Variants in ADCK1 observed in about 807,000 individuals in gnomAD.
ADCK1 encodes the protein aarF domain-containing protein kinase 1.
ADCK1 carries 41 observed loss-of-function variants against 52.3 expected under a neutral mutation model. That is an observed-to-expected ratio of 0.78 (90% CI 0.61 to 1.02). The LOEUF (loss-of-function observed/expected upper bound fraction) is 1.02, where lower values mean the gene tolerates loss of function less well. ADCK1 is among the 50% of genes least tolerant of loss of function. The pLI is 0.00. For synonymous variants in ADCK1, 250 were observed against 274.6 expected (o/e 0.91, Z 0.89); for missense variants, 658 against 679.5 (o/e 0.97, Z 0.35).
chr14:77,918,729 C>A (rs982234778), intron 7 of ADCK1, among the ~76,000 whole-genome samples: 2 of 152,156 alleles, frequency 1.3e-5, no homozygotes, highest in African/African-American at 4.8e-5. Flanking sequence ...CATTCTTGGG[C>A]ATTGTTCAAC....
intron 10 of ADCK1, 86 bp downstream of exon 10, chr14:77,931,797 A>G: frequency 7.1e-7 from 1 of 1,404,662 alleles, no homozygotes. Flanking sequence ...TTTCCCCACC[A>G]GTCTACAGGG....
At chr14:77,883,112 A>G (rs1486612241) in intron 4 of ADCK1, among the ~76,000 whole-genome samples, 1 of 152,030 alleles carries the variant, frequency 6.6e-6, no homozygotes, top group Non-Finnish European at 1.5e-5. Flanking sequence ...ACATCGATAT[A>G]TTTGAATCAC....
At chr14:77,911,863 A>T (rs947973747) in intron 7 of ADCK1, among the ~76,000 whole-genome samples, 2 of 152,096 alleles carry the variant, frequency 1.3e-5, no homozygotes, top group African/African-American at 4.8e-5. Context: ...AGAGACTCAG[A>T]GAGGGAAGAT....
rs1259398533 is a variant in ADCK1 at position 77,855,716 on chromosome 14, A to G, written c.220-3360A>G. Among the ~76,000 whole-genome samples, 3 of 152,286 alleles carry G rather than the reference A, an allele frequency of 2.0e-5. No homozygotes were observed. The South Asian group carries it at 6.2e-4, about 32-fold the overall frequency. On this transcript the variant is annotated intron_variant, in intron 3 of 10. Coordinates refer to ENST00000238561, the MANE Select transcript of ADCK1 (RefSeq NM_020421.4). ...CTGATGGACAGTACACATGTGTGCC[A>G]TGGGACCCTGCCAAATTAGGAAAGA...
chr14:77,907,918 A>T lies in ADCK1; in HGVS notation c.857A>T (p.Glu286Val). Reference protein sequence around the residue: ...YMERNKIDVNEISRHLGKMYS... With the variant: ...YMERNKIDVNVISRHLGKMYS... Reference sequence around the variant, plus strand: ...GAGAGGAACAAGATCGACGTCAATGAGGTGAGGTCAAGAGCTCAGGGCTGC... The same window carrying T: ...GAGAGGAACAAGATCGACGTCAATGTGGTGAGGTCAAGAGCTCAGGGCTGC... Residue 286 changes from glutamate (E) to valine (V), a missense_variant and splice_region_variant, in exon 7 of 11, where the codon GAG (glutamate) becomes GTG (valine). Glu to Val is a moderately radical substitution (Grantham distance 121). Coordinates refer to ENST00000238561, the MANE Select transcript of ADCK1 (RefSeq NM_020421.4). 2 of 1,613,142 alleles carry T rather than the reference A, an allele frequency of 1.2e-6. No homozygotes were observed. The highest frequency in any genetic ancestry group is 1.7e-6 in the Non-Finnish European group (2 of 1,179,296).
chr14:77,934,425 CTT>C lies in ADCK1; in HGVS notation c.*1036_*1037del, dbSNP rs979307339. The C allele has an allele frequency of 1.3e-4, 20 of 152,254 alleles. No homozygotes were observed. Among genetic ancestry groups the C allele is most frequent in the African/African-American group, 4.8e-4 (20 of 41,536 alleles). 9.4% of individuals were successfully genotyped at this position (152,254 alleles called of 1,614,324 possible). A position where few individuals can be genotyped will look rare whatever the true frequency, so the allele number is the denominator to read the frequency against. On this transcript the variant is annotated 3_prime_UTR_variant, in exon 11 of 11. Coordinates refer to ENST00000238561, the MANE Select transcript of ADCK1 (RefSeq NM_020421.4). The stretch of plus-strand genomic sequence containing the variant: ...TGTTCTACTGTTTCCTGACTTATCC[CTT>C]TGGTTCTCATTCAGTGGCCCCAGTT...
chr14:77,837,521 G>A (rs2081986187), intron 3 of ADCK1, among the ~76,000 whole-genome samples: 1 of 152,216 alleles, frequency 6.6e-6, no homozygotes, highest in Admixed American at 6.5e-5. Flanking sequence ...GGTAGAACAT[G>A]GACATATTGT....
rs1166972642 is a variant in ADCK1, at chr14:77,815,508, C to A, written c.-11-3460C>A. On this transcript the variant is annotated intron_variant, in intron 1 of 10. Transcript: ENST00000238561. ...TATAGGCATGAGTCACTGCCCCCAG[C>A]CAGGCACCTGCATTTTTTTTTTTTT... Among the ~76,000 whole-genome samples the A allele has an allele frequency of 1.9e-4, 29 of 151,026 alleles. No individual in the cohort carries two copies. The East Asian group carries it at 5.3e-3, about 27-fold the overall frequency.
intron 3 of ADCK1, among the ~76,000 whole-genome samples, chr14:77,823,580 ATTTAT>A: frequency 6.7e-6 from 1 of 150,136 alleles, no homozygotes; most frequent in Non-Finnish European, 1.5e-5. Flanking sequence ...TTATTTATTT[ATTTAT>A]TTATTTATTT....
intron 3 of ADCK1, among the ~76,000 whole-genome samples, chr14:77,847,945 C>T (rs2082205193): frequency 1.3e-5 from 2 of 152,160 alleles, no homozygotes; most frequent in Admixed American, 6.5e-5. Flanking sequence ...TGGCCTAACC[C>T]TGAGACTTAG....
chr14:77,919,642 T>C (rs2084003733), intron 7 of ADCK1, among the ~76,000 whole-genome samples: 1 of 152,238 alleles, frequency 6.6e-6, no homozygotes, highest in African/African-American at 2.4e-5. Flanking sequence ...TACCTTTAGT[T>C]CTTTAAGGAA....
At chr14:77,895,861 A>G (rs987916919) in intron 5 of ADCK1, among the ~76,000 whole-genome samples, 1 of 152,254 alleles carries the variant, frequency 6.6e-6, no homozygotes, top group East Asian at 1.9e-4. Flanking sequence ...CGTAGCGGGT[A>G]TCAAGTTTTA....
chr14:77,832,834 G>T (rs1388443797), intron 3 of ADCK1, among the ~76,000 whole-genome samples: 1 of 152,168 alleles, frequency 6.6e-6, no homozygotes, highest in Admixed American at 6.5e-5. Context: ...GATCCTGTTT[G>T]TCTGCAAAGG....
intron 7 of ADCK1, 88 bp downstream of exon 7, chr14:77,908,007 C>G (rs558474382): frequency 3.7e-6 from 4 of 1,074,350 alleles, no homozygotes; most frequent in Non-Finnish European, 5.6e-6. Context: ...CAGGTGAGGC[C>G]TCAGAGTCTG....
intron 6 of ADCK1, 60 bp from the exon 7 acceptor site, chr14:77,907,743 G>A: frequency 7.5e-7 from 1 of 1,340,552 alleles, no homozygotes; most frequent in African/African-American, 1.4e-5. Context: ...GTGCCACATT[G>A]TCATCCTTGC....
intron 1 of ADCK1, among the ~76,000 whole-genome samples, chr14:77,808,973 G>C (rs1180729250): frequency 2.0e-5 from 3 of 152,168 alleles, no homozygotes; most frequent in African/African-American, 4.8e-5. Flanking sequence ...CATAAAAGCA[G>C]TATATAATTA....
intron 6 of ADCK1, 133 bp from the exon 7 acceptor site, chr14:77,907,670 A>G (rs1440990904): frequency 1.6e-6 from 1 of 619,020 alleles, no homozygotes; most frequent in African/African-American, 1.9e-5. Context: ...GTCACCGCTG[A>G]GGTCCCTCCT....
chr14:77,812,292 C>T (rs919535315), intron 1 of ADCK1, among the ~76,000 whole-genome samples: 4 of 152,166 alleles, frequency 2.6e-5, no homozygotes, highest in African/African-American at 9.7e-5. Flanking sequence ...TAATTTCCCT[C>T]CAACCCCCAG....
rs1367650647 is a variant in ADCK1, at chr14:77,820,325, AT to A, written c.135+1219del. On this transcript the variant is annotated intron_variant, in intron 2 of 10. Coordinates refer to ENST00000238561, the MANE Select transcript of ADCK1 (RefSeq NM_020421.4). ...TTATGATATATATATATATATGTATATTTTTTTAAATCTTTATTTTTTTGAG... is the reference window on the plus strand; with the variant it reads ...TTATGATATATATATATATATGTATATTTTTTAAATCTTTATTTTTTTGAG... Among the ~76,000 whole-genome samples the A allele has an allele frequency of 2.2e-4, 33 of 151,198 alleles. No individual in the cohort carries two copies. The East Asian group carries it at 6.2e-3, about 29-fold the overall frequency.
Sources: allele counts gnomAD v4.1 joint callset (sites outside exome capture counted in the v4.1 genomes callset), GRCh38; gene constraint gnomAD v4.1.1; transcripts MANE v1.5; gene names NCBI Gene and HGNC (gene_info 2026-07-23, HGNC 2026-07-21).